Variants in CSMD1 observed in about 807,000 individuals in gnomAD.
CSMD1 encodes the protein CUB and sushi domain-containing protein 1.
A neutral mutation model predicts 417.5 loss-of-function variants in CSMD1; 213 were observed. That is an observed-to-expected ratio of 0.51 (90% CI 0.46 to 0.57). The LOEUF (loss-of-function observed/expected upper bound fraction) is 0.57, where lower values mean the gene tolerates loss of function less well. Among genes scored for constraint, CSMD1 ranks in the 20% least tolerant of loss-of-function variants. The pLI is 0.00. For missense variants in CSMD1, 6,923 were observed against 4,529.7 expected (o/e 1.53, Z -15.17); for synonymous variants, 2,862 against 1,736.8 (o/e 1.65, Z -16.11).
intron 2 of CSMD1, among the ~76,000 whole-genome samples, chr8:4,472,536 T>C (rs1182844650): frequency 6.6e-6 from 1 of 152,120 alleles, no homozygotes; most frequent in Non-Finnish European, 1.5e-5. Flanking sequence ...CAAAACAGTA[T>C]TTAGAATTAT....
chr8:4,315,685 A>G (rs11784405), intron 3 of CSMD1, among the ~76,000 whole-genome samples: 74,858 of 152,034 alleles, frequency 0.49, 21,118 homozygotes, highest in Admixed American at 0.68. Context: ...GATGATTATA[A>G]AATAGCCATT....
chr8:3,015,604 TTA>T (rs544891382), intron 52 of CSMD1, among the ~76,000 whole-genome samples: 1 of 150,700 alleles, frequency 6.6e-6, no homozygotes, highest in Admixed American at 6.6e-5. Context: ...TCTTGTGAAA[TTA>T]TATATATATA....
intron 1 of CSMD1, among the ~76,000 whole-genome samples, chr8:4,803,370 T>C (rs934484841): frequency 6.6e-6 from 1 of 152,212 alleles, no homozygotes; most frequent in Non-Finnish European, 1.5e-5. Flanking sequence ...TACTATTAAC[T>C]ACCAGTGATG....
rs965920903 is a variant in CSMD1 at position 4,736,448 on chromosome 8, G to A, written c.86-98890C>T. 2.6e-5 allele frequency among the ~76,000 whole-genome samples: 4 copies of A among 152,130 alleles called. No individual in the cohort carries two copies. In the East Asian group the frequency reaches 7.7e-4, roughly 29 times the overall value. On this transcript the variant is annotated intron_variant, in intron 1 of 69. Transcript: ENST00000635120. ...GAATTTGCATGAACAGAGAGAAGCA[G>A]CAGGCCCCTCAGGTGGGCAAATACA...
intron 7 of CSMD1, among the ~76,000 whole-genome samples, chr8:3,634,175 G>C (rs1584993604): frequency 2.6e-5 from 4 of 152,292 alleles, no homozygotes; most frequent in African/African-American, 4.8e-5. Flanking sequence ...TTATGAGAGT[G>C]TCTTCGTTTA....
At chr8:4,020,026 G>A (rs1796711557) in intron 4 of CSMD1, among the ~76,000 whole-genome samples, 1 of 151,840 alleles carries the variant, frequency 6.6e-6, no homozygotes, top group Non-Finnish European at 1.5e-5. Context: ...ACTTAGTTCT[G>A]AAATCTAAAA....
intron 1 of CSMD1, among the ~76,000 whole-genome samples, chr8:4,694,380 C>G (rs1418997235): frequency 2.6e-5 from 4 of 151,992 alleles, no homozygotes; most frequent in African/African-American, 4.8e-5. Flanking sequence ...GAGACGGAGT[C>G]TCGCTCTGTC....
At chr8:3,638,830 T>C (rs1218482593) in intron 7 of CSMD1, among the ~76,000 whole-genome samples, 1 of 152,092 alleles carries the variant, frequency 6.6e-6, no homozygotes, top group East Asian at 1.9e-4. Flanking sequence ...CCTCACACCT[T>C]GTCTCCAGGA....
intron 3 of CSMD1, among the ~76,000 whole-genome samples, chr8:4,370,970 G>A (rs964095853): frequency 1.3e-5 from 2 of 152,204 alleles, no homozygotes; most frequent in Non-Finnish European, 2.9e-5. Context: ...GCGAGCTAGT[G>A]TGATTGTTTG....
chr8:4,159,340 G>A (rs1186686234), intron 3 of CSMD1, among the ~76,000 whole-genome samples: 2 of 152,148 alleles, frequency 1.3e-5, no homozygotes, highest in Non-Finnish European at 2.9e-5. Context: ...GTACTCAAAT[G>A]GAGGAAATAT....
intron 22 of CSMD1, among the ~76,000 whole-genome samples, chr8:3,345,613 T>C (rs1390265265): frequency 1.3e-5 from 2 of 152,206 alleles, no homozygotes; most frequent in South Asian, 2.1e-4. Flanking sequence ...TATAAGTAGC[T>C]AGATTCAAAG....
chr8:4,227,616 G>C (rs1271616811), intron 3 of CSMD1, among the ~76,000 whole-genome samples: 1 of 151,996 alleles, frequency 6.6e-6, no homozygotes, highest in East Asian at 1.9e-4. Flanking sequence ...TGCACATTCA[G>C]TCAGACACTC....
chr8:4,081,605 C>T (rs373405081), intron 3 of CSMD1, among the ~76,000 whole-genome samples: 1 of 152,076 alleles, frequency 6.6e-6, no homozygotes. Flanking sequence ...CTGCAGAATA[C>T]ATAAATTTTT....
At chr8:3,589,821 C>T (rs569108487) in intron 8 of CSMD1, among the ~76,000 whole-genome samples, 1 of 152,210 alleles carries the variant, frequency 6.6e-6, no homozygotes, top group Admixed American at 6.5e-5. Flanking sequence ...GACCATTTCA[C>T]AATGTATTCA....
chr8:4,013,349 C>G (rs535375009), intron 4 of CSMD1, among the ~76,000 whole-genome samples: 13 of 152,254 alleles, frequency 8.5e-5, no homozygotes, highest in Non-Finnish European at 1.3e-4. Flanking sequence ...GGCCAAACAC[C>G]TGGTTGATCC....
intron 18 of CSMD1, among the ~76,000 whole-genome samples, chr8:3,372,698 G>T (rs1266173716): frequency 1.3e-5 from 2 of 152,134 alleles, no homozygotes; most frequent in Non-Finnish European, 2.9e-5. Flanking sequence ...TAAGGCAGGC[G>T]TTCAGCTTTG....
chr8:3,929,135 C>G (rs1809961841), intron 5 of CSMD1, among the ~76,000 whole-genome samples: 1 of 150,386 alleles, frequency 6.6e-6, no homozygotes, highest in South Asian at 2.2e-4. Flanking sequence ...AAGCAAGATG[C>G]TTTCTACTGC....
At chr8:3,593,296 C>T (rs1011131509) in intron 8 of CSMD1, among the ~76,000 whole-genome samples, 1 of 152,186 alleles carries the variant, frequency 6.6e-6, no homozygotes, top group Admixed American at 6.5e-5. Context: ...TCCTTAGTTC[C>T]CAGCTGTGGC....
chr8:4,428,347 A>C (rs1186389428), intron 2 of CSMD1, among the ~76,000 whole-genome samples: 1 of 152,192 alleles, frequency 6.6e-6, no homozygotes, highest in Non-Finnish European at 1.5e-5. Context: ...TCTAGTACCT[A>C]CTAGGGATTA....
Sources: gnomAD v4.1 joint callset for allele counts (sites outside exome capture counted in the v4.1 genomes callset) on GRCh38, gnomAD v4.1.1 for gene constraint, MANE v1.5 for transcripts, NCBI Gene and HGNC (gene_info 2026-07-23, HGNC 2026-07-21) for gene names.